Variants in GALNT18 observed in about 807,000 individuals in gnomAD.
GALNT18 encodes GalNAc-transferase 18.
Under a neutral mutation model 69.5 loss-of-function variants are expected in GALNT18, and 44 were observed. The ratio of observed to expected loss-of-function variants is 0.63; its 90% CI spans 0.50 to 0.81. The LOEUF (loss-of-function observed/expected upper bound fraction) is 0.81, where lower values mean the gene tolerates loss of function less well. GALNT18 is among the 40% of genes least tolerant of loss of function. The pLI is 0.00. For missense variants in GALNT18, 715 were observed against 810.0 expected, an observed-to-expected ratio of 0.88 and a Z score of 1.42; for synonymous variants, 364 against 318.2, an observed-to-expected ratio of 1.14 and a Z score of -1.53.
At chr11:11,464,537 G>A (rs535900149) in intron 1 of GALNT18, among the ~76,000 whole-genome samples, 4 of 152,302 alleles carry the variant, frequency 2.6e-5, no homozygotes, top group East Asian at 3.9e-4. Context: ...AAGCTCCCTC[G>A]TGGGCCCTGG....
At chr11:11,366,050 T>C (rs941646571) in intron 6 of GALNT18, among the ~76,000 whole-genome samples, 1 of 152,236 alleles carries the variant, frequency 6.6e-6, no homozygotes, top group African/African-American at 2.4e-5. Flanking sequence ...GGTAGGACCA[T>C]CTAGTCATGG....
At chr11:11,450,065 GA>G (rs1450482177) in intron 1 of GALNT18, among the ~76,000 whole-genome samples, 2 of 149,924 alleles carry the variant, frequency 1.3e-5, no homozygotes, top group Non-Finnish European at 2.9e-5. Context: ...AGAAATCAGA[GA>G]AATTGGACAG....
At position 11,541,012 on chromosome 11, in the gene GALNT18, T is replaced by C. The variant is rs545765699; in HGVS notation, c.235+80347A>G. ...TGGTGGATACTTCGGAAAACAGAAA[T>C]AGAATTACTTAAAGTGATGCTCCCT... On this transcript the variant is annotated intron_variant, in intron 1 of 10. Transcript: ENST00000227756. This position sits in a 1 kb window ranked among gnomAD's most constrained non-coding sequence, Gnocchi z 4.8. Among the ~76,000 whole-genome samples the C allele has an allele frequency of 6.6e-6, 1 of 152,258 alleles. No homozygotes were observed. The highest frequency in any genetic ancestry group is 2.1e-4 in the South Asian group (1 of 4,824).
chr11:11,405,523 C>T (rs547479183), intron 3 of GALNT18, among the ~76,000 whole-genome samples: 1 of 152,258 alleles, frequency 6.6e-6, no homozygotes, highest in Admixed American at 6.5e-5. Context: ...AAGGTCTCTT[C>T]TTCCATGGGC....
At chr11:11,385,497 A>G (rs191139318) in intron 3 of GALNT18, among the ~76,000 whole-genome samples, 6,034 of 151,942 alleles carry the variant, frequency 0.04, 183 homozygotes, top group Middle Eastern at 0.092. Context: ...GGGTTTCACC[A>G]TGTTAGCCAG....
At chr11:11,395,018 G>A (rs995697717) in intron 3 of GALNT18, among the ~76,000 whole-genome samples, 2 of 152,194 alleles carry the variant, frequency 1.3e-5, no homozygotes, top group Admixed American at 6.5e-5. Context: ...TCAGCTCTGC[G>A]GTATAAGGCA....
At chr11:11,578,262 C>T (rs1479308309) in intron 1 of GALNT18, among the ~76,000 whole-genome samples, 2 of 150,088 alleles carry the variant, frequency 1.3e-5, no homozygotes, top group South Asian at 4.2e-4. Flanking sequence ...GGGGCTGACG[C>T]TCCTGCAGGT....
At chr11:11,491,122 C>T (rs1369025373) in intron 1 of GALNT18, among the ~76,000 whole-genome samples, 3 of 152,076 alleles carry the variant, frequency 2.0e-5, no homozygotes, top group Non-Finnish European at 4.4e-5. Flanking sequence ...CAGGTGGGGT[C>T]GTTGTCACTA....
At chr11:11,378,864 C>A (rs535367878) in intron 4 of GALNT18, among the ~76,000 whole-genome samples, 2 of 152,290 alleles carry the variant, frequency 1.3e-5, no homozygotes, top group South Asian at 4.1e-4. Flanking sequence ...CGTGTGCTGA[C>A]CTGTTGACCC....
intron 10 of GALNT18, among the ~76,000 whole-genome samples, chr11:11,277,714 T>G (rs1482466787): frequency 6.6e-6 from 1 of 152,178 alleles, no homozygotes; most frequent in African/African-American, 2.4e-5. Flanking sequence ...TTGTTCTCAT[T>G]GGTTTCAAAG....
chr11:11,416,384 C>T (rs978112612), intron 3 of GALNT18, among the ~76,000 whole-genome samples: 5 of 152,172 alleles, frequency 3.3e-5, no homozygotes, highest in South Asian at 2.1e-4. Flanking sequence ...AATTTCCTCC[C>T]GAGACCAGGG....
chr11:11,549,412 T>C (rs1186472206), intron 1 of GALNT18, among the ~76,000 whole-genome samples: 1 of 152,250 alleles, frequency 6.6e-6, no homozygotes, highest in Non-Finnish European at 1.5e-5. Flanking sequence ...TGGTCTGCAC[T>C]TCTAGGAATC....
At chr11:11,589,519 C>T (rs774039269) in intron 1 of GALNT18, among the ~76,000 whole-genome samples, 11 of 152,096 alleles carry the variant, frequency 7.2e-5, no homozygotes, top group Non-Finnish European at 1.2e-4. Context: ...GTTCAGCAGT[C>T]GTGGGAAACT....
chr11:11,379,870 C>G (rs1853867105), intron 3 of GALNT18, among the ~76,000 whole-genome samples: 1 of 152,214 alleles, frequency 6.6e-6, no homozygotes, highest in African/African-American at 2.4e-5. Context: ...CATTTGATGC[C>G]TCTGCTTCTT....
rs998673478 is a variant in GALNT18 at position 11,613,862 on chromosome 11, G to A, written c.235+7497C>T. The stretch of plus-strand genomic sequence containing the variant: ...CAACTTGTATGGCTTCTGCCCTTCC[G>A]CTTCATGCATAATTCCATCTCTCCC... On this transcript the variant is annotated intron_variant, in intron 1 of 10. Coordinates refer to ENST00000227756, the MANE Select transcript of GALNT18 (RefSeq NM_198516.3). The surrounding 1 kb of genome is among the most constrained non-coding windows in gnomAD (Gnocchi z 4.2). Among the ~76,000 whole-genome samples the A allele has an allele frequency of 5.9e-5, 9 of 152,126 alleles. No individual in the cohort carries two copies. Among genetic ancestry groups the A allele is most frequent in the Non-Finnish European group, 8.8e-5 (6 of 68,026 alleles).
intron 2 of GALNT18, among the ~76,000 whole-genome samples, chr11:11,448,371 C>T (rs1304309934): frequency 3.3e-5 from 5 of 152,018 alleles, no homozygotes; most frequent in African/African-American, 7.2e-5. Flanking sequence ...GACTTGTTAG[C>T]CCCACAAGAT....
At position 11,351,473 on chromosome 11, in the gene GALNT18, A is replaced by C. The variant is rs961457144; in HGVS notation, c.1093-10469T>G. On this transcript the variant is annotated intron_variant, in intron 6 of 10. Transcript: ENST00000227756. ...AGACTCTTCCAACCCTTGTAAGGGG[A>C]CACAAAATCTAGAAGGATCTGACCC... Among the ~76,000 whole-genome samples, 3 of 152,168 alleles carry C rather than the reference A, an allele frequency of 2.0e-5. No homozygotes were observed. In the East Asian group the frequency reaches 5.8e-4, roughly 29 times the overall value.
rs534387845 is a variant in GALNT18 at position 11,377,070 on chromosome 11, C to T, written c.977+112G>A. 24 of 988,434 alleles carry T rather than the reference C, an allele frequency of 2.4e-5. No homozygotes were observed. The South Asian group carries it at 3.2e-4, about 13-fold the overall frequency. 61.2% of individuals were successfully genotyped at this position (988,434 alleles called of 1,614,324 possible). On this transcript the variant is annotated intron_variant, in intron 5 of 10. Transcript: ENST00000227756. This position sits in a 1 kb window ranked among gnomAD's most constrained non-coding sequence, Gnocchi z 4.6. ...CTGCAGTTCCTTTCGACCCTGCCCA[C>T]CCCTGTCATCCCCACGATGGGGCTC...
At chr11:11,274,650 A>C (rs904072660) in intron 10 of GALNT18, among the ~76,000 whole-genome samples, 1 of 152,208 alleles carries the variant, frequency 6.6e-6, no homozygotes, top group South Asian at 2.1e-4. Flanking sequence ...TGCTGCACCC[A>C]TCAACCTGTC....
Sources: allele counts gnomAD v4.1 joint callset (sites outside exome capture counted in the v4.1 genomes callset), GRCh38; gene constraint gnomAD v4.1.1; non-coding constraint Gnocchi (gnomAD v3.1); transcripts MANE v1.5; gene names NCBI Gene and HGNC (gene_info 2026-07-23, HGNC 2026-07-21).